ANKS1B: variants seen among roughly 807,000 people sequenced by gnomAD.
ANKS1B encodes ankyrin repeat and sterile alpha motif domain containing 1B, also known as ankyrin repeat and sterile alpha motif domain-containing protein 1B.
ANKS1B carries 36 observed loss-of-function variants against 148.3 expected under a neutral mutation model. The ratio of observed to expected loss-of-function variants is 0.24; its 90% CI spans 0.19 to 0.32. ANKS1B has a LOEUF of 0.32. ANKS1B is among the 10% of genes least tolerant of loss of function. ANKS1B has a pLI of 1.00. For synonymous variants in ANKS1B, 542 were observed against 560.8 expected (o/e 0.97, Z 0.47); for missense variants, 1,157 against 1,542.6 (o/e 0.75, Z 4.19).
intron 1 of ANKS1B, among the ~76,000 whole-genome samples, chr12:99,883,241 T>C (rs2153740221): frequency 6.6e-6 from 1 of 152,284 alleles, no homozygotes; most frequent in South Asian, 2.1e-4. Flanking sequence ...AAAAGTATGA[T>C]CAATGGGTTT....
At chr12:99,338,697 C>T (rs1052029563) in intron 12 of ANKS1B, among the ~76,000 whole-genome samples, 6 of 152,174 alleles carry the variant, frequency 3.9e-5, no homozygotes, top group African/African-American at 1.2e-4. Context: ...CTGGTTACCA[C>T]TGATGTTTAT....
At chr12:99,814,335 T>G (rs1456221858) in intron 2 of ANKS1B, among the ~76,000 whole-genome samples, 2 of 151,600 alleles carry the variant, frequency 1.3e-5, no homozygotes, top group Non-Finnish European at 3.0e-5. Context: ...AATAAGATCA[T>G]AAAAAAGAAT....
intron 8 of ANKS1B, among the ~76,000 whole-genome samples, chr12:99,719,694 C>A (rs558889098): frequency 6.6e-6 from 1 of 152,072 alleles, no homozygotes; most frequent in Admixed American, 6.6e-5. Context: ...CACCACCATG[C>A]GAGAGGTTTC....
chr12:99,076,709 G>C (rs532664070), intron 16 of ANKS1B, among the ~76,000 whole-genome samples: 12 of 152,268 alleles, frequency 7.9e-5, no homozygotes, highest in Middle Eastern at 6.8e-3. Flanking sequence ...TTTCTGATCT[G>C]AGTTCTTCCC....
intron 25 of ANKS1B, among the ~76,000 whole-genome samples, chr12:98,757,073 C>A (rs1049440484): frequency 6.6e-6 from 1 of 151,902 alleles, no homozygotes; most frequent in Non-Finnish European, 1.5e-5. Flanking sequence ...AAAGTTCTTG[C>A]TATCCTGAGA....
chr12:98,814,985 C>T (rs2099127932), intron 19 of ANKS1B, among the ~76,000 whole-genome samples: 2 of 152,184 alleles, frequency 1.3e-5, no homozygotes, highest in African/African-American at 2.4e-5. Flanking sequence ...GACTTCAGCT[C>T]AGAAAATACA....
Position 98,744,241 on chromosome 12 carries a change from AT to A in ANKS1B, c.*1497del, listed in dbSNP as rs1487365581. Reference sequence around the variant, plus strand: ...TTCAGTTCAAGTAATTTAATATTGTATTAAAATTCTTCAACACTGAACTAAA... The same window carrying A: ...TTCAGTTCAAGTAATTTAATATTGTATAAAATTCTTCAACACTGAACTAAA... On this transcript the variant is annotated 3_prime_UTR_variant, in exon 27 of 27. Transcript: ENST00000683438. 29 of 959,474 alleles carry A rather than the reference AT, an allele frequency of 3.0e-5. No homozygotes were observed. In the Admixed American group the frequency reaches 3.7e-4, roughly 12 times the overall value. The allele number at this position is 959,474 out of a possible 1,614,324, so 59.4% of individuals were successfully genotyped here.
At chr12:99,912,506 C>T (rs1670268751) in intron 1 of ANKS1B, among the ~76,000 whole-genome samples, 1 of 152,088 alleles carries the variant, frequency 6.6e-6, no homozygotes, top group Admixed American at 6.5e-5. Context: ...CACACACCAC[C>T]ACGCCTGGCT....
At chr12:99,753,852 T>A (rs1363080954) in intron 8 of ANKS1B, among the ~76,000 whole-genome samples, 1 of 151,716 alleles carries the variant, frequency 6.6e-6, no homozygotes, top group African/African-American at 2.4e-5. Flanking sequence ...TGAAACCCCA[T>A]CTCTTCTAAA....
chr12:99,052,975 T>G (rs2099967257), intron 17 of ANKS1B, among the ~76,000 whole-genome samples, 182 bp downstream of exon 17: 1 of 152,122 alleles, frequency 6.6e-6, no homozygotes, highest in South Asian at 2.1e-4. Context: ...TCTTTACCTC[T>G]TAGTTCCCCC....
intron 1 of ANKS1B, among the ~76,000 whole-genome samples, chr12:99,845,579 T>C (rs2086527647): frequency 1.3e-5 from 2 of 152,190 alleles, no homozygotes; most frequent in Non-Finnish European, 2.9e-5. Flanking sequence ...GCTGAGTTGA[T>C]CGTGGTAGAT....
intron 8 of ANKS1B, among the ~76,000 whole-genome samples, chr12:99,665,488 CT>C (rs1271222513): frequency 0.027 from 3,941 of 143,946 alleles, 122 homozygotes; most frequent in African/African-American, 0.078. Flanking sequence ...TGTTCGACTT[CT>C]TTTTTTTTTT....
chr12:99,557,634 C>T (rs1339951477), intron 9 of ANKS1B, among the ~76,000 whole-genome samples: 1 of 152,142 alleles, frequency 6.6e-6, no homozygotes, highest in Non-Finnish European at 1.5e-5. Context: ...GATTTTTGCT[C>T]CTATTCATAT....
At chr12:98,825,924 G>A (rs1037091048) in intron 19 of ANKS1B, among the ~76,000 whole-genome samples, 1 of 152,188 alleles carries the variant, frequency 6.6e-6, no homozygotes, top group African/African-American at 2.4e-5. Flanking sequence ...CACCTTGTTT[G>A]TGCTAAAATG....
chr12:99,515,579 T>C (rs2096809871), intron 9 of ANKS1B, among the ~76,000 whole-genome samples: 1 of 152,142 alleles, frequency 6.6e-6, no homozygotes, highest in African/African-American at 2.4e-5. Context: ...CTTCTCTTGA[T>C]GGACACTTAG....
At chr12:99,829,173 C>A (rs1205339798) in intron 1 of ANKS1B, among the ~76,000 whole-genome samples, 1 of 151,768 alleles carries the variant, frequency 6.6e-6, no homozygotes, top group Non-Finnish European at 1.5e-5. Context: ...TGAAAGACAT[C>A]ATTTTAAAAA....
chr12:99,884,169 T>C (rs1172447280), intron 1 of ANKS1B, among the ~76,000 whole-genome samples: 1 of 152,042 alleles, frequency 6.6e-6, no homozygotes, highest in Non-Finnish European at 1.5e-5. Context: ...AGATGCTCAC[T>C]GTCATTAGTC....
At chr12:99,049,668 T>C (rs931704202) in intron 17 of ANKS1B, among the ~76,000 whole-genome samples, 6 of 152,088 alleles carry the variant, frequency 3.9e-5, no homozygotes, top group Non-Finnish European at 7.3e-5. Flanking sequence ...GTAAATATAG[T>C]TTCCAAAGCT....
At chr12:99,781,531 T>C (rs1191094514) in intron 5 of ANKS1B, among the ~76,000 whole-genome samples, 2 of 152,186 alleles carry the variant, frequency 1.3e-5, no homozygotes, top group African/African-American at 4.8e-5. Context: ...CCCTTTAAAA[T>C]AAGTTTCTGT....
Sources: allele counts gnomAD v4.1 joint callset (sites outside exome capture counted in the v4.1 genomes callset), GRCh38; gene constraint gnomAD v4.1.1; transcripts MANE v1.5; gene names NCBI Gene and HGNC (gene_info 2026-07-23, HGNC 2026-07-21).